The following PDE7B variants were observed in gnomAD, a reference collection of about 807,000 sequenced individuals.
PDE7B encodes the protein 3',5'-cyclic-AMP phosphodiesterase 7B.
Under a neutral mutation model 56.2 loss-of-function variants are expected in PDE7B, and 29 were observed. That is an observed-to-expected ratio of 0.52 (90% CI 0.38 to 0.70). The LOEUF (loss-of-function observed/expected upper bound fraction) is 0.70, where lower values mean the gene tolerates loss of function less well. Among genes scored for constraint, PDE7B ranks in the 30% least tolerant of loss-of-function variants. The pLI, the probability that PDE7B is intolerant of heterozygous loss-of-function variation, is 0.00. For missense variants in PDE7B, 490 were observed against 565.0 expected, an observed-to-expected ratio of 0.87 and a Z score of 1.35; for synonymous variants, 197 against 196.9, an observed-to-expected ratio of 1.00 and a Z score of 0.00.
chr6:135,934,910 A>T (rs1469611469), intron 1 of PDE7B, among the ~76,000 whole-genome samples: 1 of 106,108 alleles, frequency 9.4e-6, no homozygotes, highest in African/African-American at 4.0e-5. Flanking sequence ...AATATATATA[A>T]ATATTTATTT....
intron 1 of PDE7B, among the ~76,000 whole-genome samples, chr6:135,888,452 G>A (rs200521447): frequency 4.4e-5 from 6 of 135,714 alleles, no homozygotes; most frequent in East Asian, 1.9e-4. Context: ...AAATACACAC[G>A]TGTGTGTGTG....
chr6:136,115,294 A>C (rs1054639409), intron 3 of PDE7B, among the ~76,000 whole-genome samples: 5 of 152,112 alleles, frequency 3.3e-5, no homozygotes, highest in African/African-American at 1.2e-4. Flanking sequence ...TCTGTCTTGG[A>C]AATTAAGGAA....
intron 11 of PDE7B, 38 bp downstream of exon 11, chr6:136,181,361 G>C: frequency 7.9e-7 from 1 of 1,259,272 alleles, no homozygotes; most frequent in Non-Finnish European, 1.2e-6. Context: ...TCATTGCCCT[G>C]TCTTCTTTTA....
chr6:136,059,594 T>C (rs1776801498), intron 2 of PDE7B, among the ~76,000 whole-genome samples: 1 of 152,104 alleles, frequency 6.6e-6, no homozygotes, highest in African/African-American at 2.4e-5. Flanking sequence ...TTTGCTGCAG[T>C]TGAGCGGGAA....
At chr6:135,969,340 C>G (rs892085653) in intron 2 of PDE7B, among the ~76,000 whole-genome samples, 1 of 152,032 alleles carries the variant, frequency 6.6e-6, no homozygotes, top group Non-Finnish European at 1.5e-5. Flanking sequence ...AATAAAATAG[C>G]TTTGTAATAT....
chr6:136,145,387 A>C (rs1778397407), intron 3 of PDE7B, among the ~76,000 whole-genome samples: 2 of 152,120 alleles, frequency 1.3e-5, no homozygotes, highest in South Asian at 2.1e-4. Flanking sequence ...CTCTAGTATA[A>C]CAAGGTGCTA....
Position 135,896,078 on chromosome 6 carries a change from C to G in PDE7B, c.21+44059C>G, listed in dbSNP as rs149551256. ...CTAGCTGCAAACTCAATGCTATTTA[C>G]AAGAAGTTTAACTGTCAAACACATA... On this transcript the variant is annotated intron_variant, in intron 1 of 12. Coordinates refer to ENST00000308191, the MANE Select transcript of PDE7B (RefSeq NM_018945.4). Among the ~76,000 whole-genome samples the G allele has an allele frequency of 2.0e-3, 300 of 152,226 alleles. 7 individuals carry two copies. The highest frequency in any genetic ancestry group is 0.018 in the Admixed American group (269 of 15,272).
At chr6:136,169,119 G>T (rs924843458) in intron 8 of PDE7B, among the ~76,000 whole-genome samples, 3 of 152,046 alleles carry the variant, frequency 2.0e-5, no homozygotes, top group African/African-American at 7.2e-5. Flanking sequence ...TATGACCTAT[G>T]AATTCATGAT....
chr6:136,058,209 C>T (rs1026650605), intron 2 of PDE7B, among the ~76,000 whole-genome samples: 1 of 152,130 alleles, frequency 6.6e-6, no homozygotes, highest in Admixed American at 6.5e-5. Context: ...GATCAACATA[C>T]AGTAATAGTT....
intron 4 of PDE7B, 130 bp from the exon 5 acceptor site, chr6:136,148,957 T>C: frequency 1.5e-6 from 1 of 653,204 alleles, no homozygotes; most frequent in Non-Finnish European, 2.8e-6. Flanking sequence ...AGGGAAACCA[T>C]TCATTTGCAC....
intron 2 of PDE7B, among the ~76,000 whole-genome samples, chr6:135,949,412 G>T (rs899050973): frequency 3.9e-5 from 6 of 152,028 alleles, no homozygotes; most frequent in African/African-American, 1.4e-4. Context: ...TTATATAGCT[G>T]CCAGAAAACA....
intron 1 of PDE7B, among the ~76,000 whole-genome samples, chr6:135,931,655 C>G (rs1374100074): frequency 2.0e-5 from 3 of 152,124 alleles, no homozygotes; most frequent in African/African-American, 7.2e-5. Context: ...AATGTCTCCT[C>G]TCTTAACAAC....
At chr6:135,891,234 T>A (rs577945986) in intron 1 of PDE7B, among the ~76,000 whole-genome samples, 97 of 152,184 alleles carry the variant, frequency 6.4e-4, no homozygotes, top group Non-Finnish European at 1.2e-3. Flanking sequence ...GCAGAAGCCA[T>A]ACATTTATTT....
chr6:136,086,556 C>T (rs1361392836), intron 2 of PDE7B, among the ~76,000 whole-genome samples: 1 of 152,128 alleles, frequency 6.6e-6, no homozygotes, highest in African/African-American at 2.4e-5. Flanking sequence ...TGGCCCCATA[C>T]TAAAACTTTT....
rs1774944343 is a variant in PDE7B at position 135,851,752 on chromosome 6, G to A, written c.-247G>A. 2.1e-6 allele frequency: 1 copy of A among 486,140 alleles called. No homozygotes were observed. Among genetic ancestry groups the A allele is most frequent in the African/African-American group, 1.9e-5 (1 of 51,336 alleles). 30.1% of individuals were successfully genotyped at this position (486,140 alleles called of 1,614,324 possible). A position where few individuals can be genotyped will look rare whatever the true frequency, so the allele number is the denominator to read the frequency against. On this transcript the variant is annotated 5_prime_UTR_variant, in exon 1 of 13. Coordinates refer to ENST00000308191, the MANE Select transcript of PDE7B (RefSeq NM_018945.4). ...CGGCTCTGTCCCAGCACTTGTCTGG[G>A]AGAAAAGTGGTGTTACTCACCCAGG...
chr6:135,913,796 A>C (rs1451493074), intron 1 of PDE7B, among the ~76,000 whole-genome samples: 1 of 152,204 alleles, frequency 6.6e-6, no homozygotes, highest in Admixed American at 6.5e-5. Flanking sequence ...TATATGGCAG[A>C]ACTTTACACC....
chr6:135,886,123 C>T (rs1225034613), intron 1 of PDE7B, among the ~76,000 whole-genome samples: 3 of 152,144 alleles, frequency 2.0e-5, no homozygotes, highest in Admixed American at 6.6e-5. Flanking sequence ...CAGCAGTAGT[C>T]AAATGGCAGC....
At chr6:135,944,591 C>T (rs1322949242) in intron 1 of PDE7B, among the ~76,000 whole-genome samples, 1 of 152,144 alleles carries the variant, frequency 6.6e-6, no homozygotes, top group Non-Finnish European at 1.5e-5. Context: ...GAAGGGCCAC[C>T]ACACCTGTTC....
intron 2 of PDE7B, among the ~76,000 whole-genome samples, chr6:135,974,680 T>A (rs1775153064): frequency 1.3e-5 from 2 of 152,234 alleles, no homozygotes; most frequent in Non-Finnish European, 2.9e-5. Flanking sequence ...CCAGAAGGTA[T>A]ATTCTCATAG....
Sources: gnomAD v4.1 joint callset for allele counts (sites outside exome capture counted in the v4.1 genomes callset) on GRCh38, gnomAD v4.1.1 for gene constraint, MANE v1.5 for transcripts, NCBI Gene and HGNC (gene_info 2026-07-23, HGNC 2026-07-21) for gene names.